Variants in TAMM41 observed in about 807,000 individuals in gnomAD.
The protein encoded by TAMM41 is phosphatidate cytidylyltransferase, mitochondrial.
TAMM41 carries 36 observed loss-of-function variants against 44.1 expected under a neutral mutation model. The ratio of observed to expected loss-of-function variants is 0.82; its 90% CI spans 0.63 to 1.08. The LOEUF is 1.08. Among genes scored for constraint, TAMM41 ranks in the 50% least tolerant of loss-of-function variants. The probability of loss-of-function intolerance (pLI) is 0.00; values close to 1 mark genes in which losing one functional copy is unlikely to be tolerated. For synonymous variants in TAMM41, 164 were observed against 153.1 expected, an observed-to-expected ratio of 1.07 and a Z score of -0.53; for missense variants, 417 against 404.3, an observed-to-expected ratio of 1.03 and a Z score of -0.27.
the TAMM41 span, among the ~76,000 whole-genome samples, chr3:11,769,912 C>T: frequency 6.6e-6 from 1 of 152,228 alleles, no homozygotes; most frequent in Non-Finnish European, 1.5e-5. Context: ...TCACTCACAG[C>T]CACTGCAGCC....
chr3:11,748,514 G>A, the TAMM41 span, among the ~76,000 whole-genome samples: 1 of 151,952 alleles, frequency 6.6e-6, no homozygotes, highest in Non-Finnish European at 1.5e-5. Context: ...AAGTAGCCGG[G>A]ACCACAGGCA....
chr3:11,725,403 C>T, the TAMM41 span, among the ~76,000 whole-genome samples: 23,999 of 128,708 alleles, frequency 0.19, 2,411 homozygotes, highest in Middle Eastern at 0.26. Context: ...TTTCTTCTTC[C>T]TCTTCTTCTT....
rs777947075 is a variant in TAMM41, at chr3:11,809,138, G to A, written c.874+379C>T. 2.1e-4 allele frequency: 63 copies of A among 298,038 alleles called. 1 individual carries two copies. The highest frequency in any genetic ancestry group is 3.3e-4 in the Non-Finnish European group (52 of 158,834). 18.5% of individuals were successfully genotyped at this position (298,038 alleles called of 1,614,324 possible). On this transcript the variant is annotated intron_variant, in intron 6 of 7. Transcript: ENST00000455809. ...TGAGACACATCAAATGGAGTTGATT[G>A]AGGAAAGCTGTGTTCTCGATGTTAT...
At chr3:11,819,249 C>T (rs574696317) in intron 4 of TAMM41, among the ~76,000 whole-genome samples, 1 of 152,204 alleles carries the variant, frequency 6.6e-6, no homozygotes, top group East Asian at 1.9e-4. Flanking sequence ...ACACAGGTAA[C>T]GTTTACCGAG....
At chr3:11,725,315 TCTCCTCCTCCTCCTTTTTTTCTTCTC>T in the TAMM41 span, among the ~76,000 whole-genome samples, 1 of 96,456 alleles carries the variant, frequency 1.0e-5, no homozygotes, top group East Asian at 6.7e-4. Context: ...CTTTTTTTCT[TCTCCTCCTCCTCCTTTTTTTCTTCTC>T]CTCCTCCTCC....
At chr3:11,766,161 T>C in the TAMM41 span, among the ~76,000 whole-genome samples, 5 of 152,074 alleles carry the variant, frequency 3.3e-5, no homozygotes, top group Non-Finnish European at 7.3e-5. Flanking sequence ...GGGAAATTCT[T>C]TTTTTGTTGT....
chr3:11,746,904 G>A, the TAMM41 span, among the ~76,000 whole-genome samples: 1 of 152,112 alleles, frequency 6.6e-6, no homozygotes, highest in Admixed American at 6.5e-5. Context: ...CCAATGCACT[G>A]GGATTATAGG....
intron 7 of TAMM41, among the ~76,000 whole-genome samples, chr3:11,798,112 A>G (rs1251593989): frequency 1.3e-5 from 2 of 152,208 alleles, no homozygotes; most frequent in Non-Finnish European, 2.9e-5. Flanking sequence ...ACCTAAAAAG[A>G]GAACTGCCAT....
At chr3:11,767,082 T>C in the TAMM41 span, among the ~76,000 whole-genome samples, 4 of 152,144 alleles carry the variant, frequency 2.6e-5, no homozygotes, top group Non-Finnish European at 5.9e-5. Context: ...TATCTTTTTT[T>C]CTTTGGGACA....
chr3:11,827,636 G>GA (rs373584134), intron 4 of TAMM41, among the ~76,000 whole-genome samples: 2,293 of 52,020 alleles, frequency 0.044, 52 homozygotes, highest in African/African-American at 0.074. Flanking sequence ...CAGAAAAGAG[G>GA]AAAAAAAAAA....
the TAMM41 span, among the ~76,000 whole-genome samples, chr3:11,763,334 G>A: frequency 1.3e-5 from 2 of 152,066 alleles, no homozygotes; most frequent in Non-Finnish European, 2.9e-5. Flanking sequence ...TAGAGATGAG[G>A]TCTTACTATT....
the TAMM41 span, among the ~76,000 whole-genome samples, chr3:11,734,931 C>T: frequency 6.6e-6 from 1 of 151,126 alleles, no homozygotes. Context: ...CGCCTGTCGT[C>T]CCAGCTATTC....
chr3:11,839,375 T>C, intron 2 of TAMM41, 61 bp from the exon 3 acceptor site: 1 of 1,077,138 alleles, frequency 9.3e-7, no homozygotes, highest in South Asian at 1.4e-5. Context: ...CTTATACAAG[T>C]ATAAAATATA....
chr3:11,764,048 G>C, the TAMM41 span, among the ~76,000 whole-genome samples: 1 of 152,104 alleles, frequency 6.6e-6, no homozygotes, highest in Non-Finnish European at 1.5e-5. Flanking sequence ...CTGTCGCCCA[G>C]GTTGGGGTGA....
chr3:11,733,544 G>GTGCAGTGGCACCATCTCGGCTCAC, the TAMM41 span, among the ~76,000 whole-genome samples: 1 of 151,266 alleles, frequency 6.6e-6, no homozygotes, highest in Non-Finnish European at 1.5e-5. Context: ...CCAGGCTGGA[G>GTGCAGTGGCACCATCTCGGCTCAC]TGCAGTGGCA....
intron 7 of TAMM41, among the ~76,000 whole-genome samples, chr3:11,791,120 A>G (rs2124907911): frequency 6.6e-6 from 1 of 152,316 alleles, no homozygotes; most frequent in African/African-American, 2.4e-5. Flanking sequence ...CTCACTCAAC[A>G]CACTGTGCAG....
chr3:11,775,512 G>C, the TAMM41 span, among the ~76,000 whole-genome samples: 1 of 152,340 alleles, frequency 6.6e-6, no homozygotes, highest in South Asian at 2.1e-4. Context: ...TAGATTTAGA[G>C]AGATGTGTGT....
chr3:11,842,092 C>T (rs749193142), intron 2 of TAMM41, among the ~76,000 whole-genome samples: 4 of 152,098 alleles, frequency 2.6e-5, no homozygotes, highest in Non-Finnish European at 5.9e-5. Flanking sequence ...ATGGCATTGG[C>T]ATCACTTGGG....
intron 3 of TAMM41, among the ~76,000 whole-genome samples, chr3:11,837,314 A>G (rs1286607697): frequency 2.0e-5 from 3 of 152,092 alleles, no homozygotes; most frequent in South Asian, 2.1e-4. Flanking sequence ...TCTTCCTTAT[A>G]GTAGGAAGTG....
Sources: allele counts gnomAD v4.1 joint callset (sites outside exome capture counted in the v4.1 genomes callset), GRCh38; gene constraint gnomAD v4.1.1; transcripts MANE v1.5; gene names NCBI Gene and HGNC (gene_info 2026-07-23, HGNC 2026-07-21).